USH2A: variants seen among roughly 807,000 people sequenced by gnomAD.
USH2A encodes the protein Usher syndrome 2A (autosomal recessive, mild).
In USH2A, 443 loss-of-function variants were observed where a neutral mutation model predicts 538.9. That is an observed-to-expected ratio of 0.82 (90% CI 0.76 to 0.89). The LOEUF (loss-of-function observed/expected upper bound fraction) is 0.89. USH2A is among the 40% of genes least tolerant of loss of function. USH2A has a pLI of 0.00. For synonymous variants in USH2A, 2,413 were observed against 2,273.5 expected (o/e 1.06, Z -1.75); for missense variants, 6,633 against 6,324.8 (o/e 1.05, Z -1.65).
intron 21 of USH2A, among the ~76,000 whole-genome samples, chr1:216,140,303 A>G (rs530706674): frequency 6.6e-6 from 1 of 152,186 alleles, no homozygotes; most frequent in Non-Finnish European, 1.5e-5. Context: ...CACGGCACAT[A>G]GTAGATGCTC....
At chr1:216,306,036 C>A (rs1157608298) in intron 9 of USH2A, among the ~76,000 whole-genome samples, 1 of 152,098 alleles carries the variant, frequency 6.6e-6, no homozygotes, top group Admixed American at 6.5e-5. Context: ...CTTTCAGCTT[C>A]TTGTATTTGG....
At chr1:215,892,127 T>G (rs1665224748) in intron 40 of USH2A, among the ~76,000 whole-genome samples, 1 of 152,180 alleles carries the variant, frequency 6.6e-6, no homozygotes, top group African/African-American at 2.4e-5. Flanking sequence ...GTGTGTATAT[T>G]GGAAAGGGTG....
chr1:215,933,100 T>A (rs1666404528), intron 38 of USH2A, among the ~76,000 whole-genome samples: 2 of 151,906 alleles, frequency 1.3e-5, no homozygotes, highest in Admixed American at 6.6e-5. Context: ...TACCCTAAAA[T>A]AAACACGCTT....
chr1:216,029,850 C>G (rs939016040), intron 32 of USH2A, among the ~76,000 whole-genome samples: 11 of 151,296 alleles, frequency 7.3e-5, no homozygotes, highest in Non-Finnish European at 1.5e-4. Context: ...GATGTCCTAA[C>G]ACAGACAATA....
chr1:216,357,266 T>C (rs191961259), intron 4 of USH2A, among the ~76,000 whole-genome samples: 1 of 152,266 alleles, frequency 6.6e-6, no homozygotes, highest in African/African-American at 2.4e-5. Flanking sequence ...CTAAGTAAAC[T>C]CCTATCTATA....
At chr1:216,412,171 G>A (rs1243917897) in intron 3 of USH2A, among the ~76,000 whole-genome samples, 1 of 152,068 alleles carries the variant, frequency 6.6e-6, no homozygotes, top group Non-Finnish European at 1.5e-5. Context: ...AATTTGTAAT[G>A]GGTATCCTAA....
At chr1:215,855,113 G>T (rs1664126780) in intron 44 of USH2A, among the ~76,000 whole-genome samples, 1 of 152,128 alleles carries the variant, frequency 6.6e-6, no homozygotes. Flanking sequence ...TCAATAGTAT[G>T]TAAATCCTAG....
chr1:216,121,915 T>C (rs2033146230), intron 21 of USH2A, among the ~76,000 whole-genome samples: 1 of 152,204 alleles, frequency 6.6e-6, no homozygotes, highest in Non-Finnish European at 1.5e-5. Flanking sequence ...TTGTTCAATA[T>C]TGAACATAAA....
chr1:216,330,648 T>C (rs1219537321), intron 4 of USH2A, among the ~76,000 whole-genome samples: 1 of 151,980 alleles, frequency 6.6e-6, no homozygotes, highest in African/African-American at 2.4e-5. Context: ...AATTGTTATA[T>C]ATACAAAGTC....
chr1:216,282,873 GTTC>G (rs1418331934), intron 11 of USH2A, among the ~76,000 whole-genome samples: 6 of 151,990 alleles, frequency 3.9e-5, no homozygotes, highest in East Asian at 1.9e-4. Flanking sequence ...TATTTATTTA[GTTC>G]TTCTTTATTT....
At chr1:215,914,211 A>G (rs1665892582) in intron 38 of USH2A, among the ~76,000 whole-genome samples, 2 of 151,450 alleles carry the variant, frequency 1.3e-5, no homozygotes, top group South Asian at 4.2e-4. Flanking sequence ...GTAGCAACAG[A>G]CTTTTTTTTT....
intron 21 of USH2A, among the ~76,000 whole-genome samples, chr1:216,135,340 G>C (rs892215701): frequency 1.3e-5 from 2 of 151,864 alleles, no homozygotes; most frequent in Non-Finnish European, 2.9e-5. Context: ...AGCTTAGCAC[G>C]CTGTCCAGAT....
intron 20 of USH2A, among the ~76,000 whole-genome samples, chr1:216,187,075 C>T (rs1281022567): frequency 3.9e-5 from 6 of 151,984 alleles, no homozygotes; most frequent in Non-Finnish European, 4.4e-5. Flanking sequence ...GAAACTAGCA[C>T]ATTGTATGTG....
chr1:216,266,220 T>TA (rs11443665), intron 11 of USH2A, among the ~76,000 whole-genome samples: 9,514 of 151,546 alleles, frequency 0.063, 652 homozygotes, highest in African/African-American at 0.17. Context: ...ATTAAAAAGT[T>TA]AAAAAAAAGG....
chr1:216,419,102 T>C (rs1325610536), intron 2 of USH2A, among the ~76,000 whole-genome samples: 2 of 152,074 alleles, frequency 1.3e-5, no homozygotes, highest in African/African-American at 2.4e-5. Flanking sequence ...GCAAATTTAG[T>C]GTCCATGGAA....
Position 215,914,068 on chromosome 1 carries a change from C to CTT in USH2A, c.7301-13165_7301-13164dup, listed in dbSNP as rs11366554. Among the ~76,000 whole-genome samples, 565 of 91,986 alleles carry CTT rather than the reference C, an allele frequency of 6.1e-3. 3 individuals carry two copies. Among genetic ancestry groups the CTT allele is most frequent in the Middle Eastern group, 0.015 (2 of 136 alleles). 60.3% of individuals were successfully genotyped at this position (91,986 alleles called of 152,430 possible). ...AGGTTAGCCATTGTCAAGCAACAGA[C>CTT]TTTTTTTTTTTTTTTTTTTTTTTGA... On this transcript the variant is annotated intron_variant, in intron 38 of 71. Coordinates refer to ENST00000307340, the MANE Select transcript of USH2A (RefSeq NM_206933.4).
intron 38 of USH2A, among the ~76,000 whole-genome samples, chr1:215,926,612 A>ATCT (rs1666243364): frequency 1.1e-4 from 2 of 18,518 alleles, no homozygotes; most frequent in East Asian, 4.0e-3. Flanking sequence ...TTACCTACCT[A>ATCT]TCTTTTTTTT....
At chr1:215,767,516 T>A (rs188023400) in intron 55 of USH2A, among the ~76,000 whole-genome samples, 2 of 152,330 alleles carry the variant, frequency 1.3e-5, no homozygotes. Flanking sequence ...AGATTAAAGC[T>A]AATTTGGAGA....
At position 216,217,432 on chromosome 1, in the gene USH2A, T is replaced by C. The variant is rs1328435364; in HGVS notation, c.3112A>G (p.Ser1038Gly). 1 of 1,613,142 alleles carries C rather than the reference T, an allele frequency of 6.2e-7. No homozygotes were observed. Among genetic ancestry groups the C allele is most frequent in the African/African-American group, 1.3e-5 (1 of 74,884 alleles). Residue 1038 changes from serine to glycine, a missense_variant, in exon 15 of 72, where the codon AGT (serine) becomes GGT (glycine). Coordinates refer to ENST00000307340, the MANE Select transcript of USH2A (RefSeq NM_206933.4). ...TGSKCDACVP[S>G]ASHLDVNNLL... is the part of the protein sequence containing the mutation. ...TTGTTGACATCCAAGTGGCTTGCACTGGGAACACAAGCATCACACTTTGAG... is the reference window on the plus strand; with the variant it reads ...TTGTTGACATCCAAGTGGCTTGCACCGGGAACACAAGCATCACACTTTGAG...
Sources: allele counts gnomAD v4.1 joint callset (sites outside exome capture counted in the v4.1 genomes callset), GRCh38; gene constraint gnomAD v4.1.1; transcripts MANE v1.5; gene names NCBI Gene and HGNC (gene_info 2026-07-23, HGNC 2026-07-21).